Variants in DRAXIN observed in about 807,000 individuals in gnomAD.
DRAXIN encodes dorsal repulsive axon guidance protein.
In DRAXIN, 27 loss-of-function variants were observed where a neutral mutation model predicts 33.9. That is an observed-to-expected ratio of 0.80 (90% CI 0.59 to 1.10). DRAXIN has a LOEUF of 1.10. Among genes scored for constraint, DRAXIN ranks in the 50% least tolerant of loss-of-function variants. DRAXIN has a pLI of 0.00. For synonymous variants in DRAXIN, 178 were observed against 194.0 expected, an observed-to-expected ratio of 0.92 and a Z score of 0.69; for missense variants, 371 against 460.8, an observed-to-expected ratio of 0.81 and a Z score of 1.78.
intron 1 of DRAXIN, among the ~76,000 whole-genome samples, chr1:11,693,714 ATCTCTACCCC>A (rs1162051013): frequency 3.3e-5 from 5 of 152,004 alleles, no homozygotes; most frequent in African/African-American, 1.2e-4. Flanking sequence ...CCTTCATACC[ATCTCTACCCC>A]CTGCCTTCTG....
Position 11,721,040 on chromosome 1 carries a change from G to T in DRAXIN, c.*1344G>T, listed in dbSNP as rs1246738249. 6.6e-6 allele frequency: 1 copy of T among 152,180 alleles called. No individual in the cohort carries two copies. Among genetic ancestry groups the T allele is most frequent in the Non-Finnish European group, 1.5e-5 (1 of 68,042 alleles). 9.4% of individuals were successfully genotyped at this position (152,180 alleles called of 1,614,324 possible). On this transcript the variant is annotated 3_prime_UTR_variant, in exon 7 of 7. Coordinates refer to ENST00000294485, the MANE Select transcript of DRAXIN (RefSeq NM_198545.4). ...GGAAAAGAATCATGTTGGCCTTTAT[G>T]TCCCTGTGGTCCTGATCATCCAGTC...
rs1641377243 is a variant in DRAXIN, at chr1:11,706,256, C to G, written c.-3C>G. On this transcript the variant is annotated 5_prime_UTR_variant, in exon 2 of 7. Coordinates refer to ENST00000294485, the MANE Select transcript of DRAXIN (RefSeq NM_198545.4). This position sits in a 1 kb window ranked among gnomAD's most constrained non-coding sequence, Gnocchi z 5.5. ...GTGTTGCTCTTCTTGCAGGGAGGAG[C>G]CAATGGCTGGGCCTGCCATCCACAC... The G allele has an allele frequency of 6.3e-7, 1 of 1,580,966 alleles. No individual in the cohort carries two copies. Among genetic ancestry groups the G allele is most frequent in the Admixed American group, 1.8e-5 (1 of 55,620 alleles).
At chr1:11,691,137 C>T (rs952046137), upstream of DRAXIN, among the ~76,000 whole-genome samples, 2 of 152,220 alleles carry the variant, frequency 1.3e-5, no homozygotes, top group East Asian at 3.9e-4. Context: ...ACAAAGGCCC[C>T]GCCGTTCCCC....
chr1:11,700,652 C>T (rs1641257111), intron 1 of DRAXIN, among the ~76,000 whole-genome samples: 1 of 152,220 alleles, frequency 6.6e-6, no homozygotes. Context: ...ACGAATTTGT[C>T]GCTTTGGCAC....
chr1:11,717,026 T>C (rs1159641263), intron 6 of DRAXIN, among the ~76,000 whole-genome samples: 1 of 152,232 alleles, frequency 6.6e-6, no homozygotes, highest in African/African-American at 2.4e-5. Flanking sequence ...GGCTCATGCC[T>C]GTAATCCTAG....
intron 1 of DRAXIN, among the ~76,000 whole-genome samples, chr1:11,702,195 C>T (rs1293768841): frequency 6.6e-6 from 1 of 150,594 alleles, no homozygotes; most frequent in Non-Finnish European, 1.5e-5. Context: ...CTCACACATA[C>T]ACACATGCTC....
chr1:11,723,625 TCTTGTTGCCCAGG>T lies in DRAXIN; in HGVS notation c.*3932_*3944del, dbSNP rs1641687561. ...TTTTTCTTTTGAGACAGAGTTTCACTCTTGTTGCCCAGGCTGGAGTGCAGTGGCACGATCTCGG... is the reference window on the plus strand; with the variant it reads ...TTTTTCTTTTGAGACAGAGTTTCACTCTGGAGTGCAGTGGCACGATCTCGG... On this transcript the variant is annotated 3_prime_UTR_variant, in exon 7 of 7. Coordinates refer to ENST00000294485, the MANE Select transcript of DRAXIN (RefSeq NM_198545.4). The T allele has an allele frequency of 1.3e-5, 2 of 151,134 alleles. No individual in the cohort carries two copies. Among genetic ancestry groups the T allele is most frequent in the Non-Finnish European group, 2.9e-5 (2 of 67,826 alleles). The allele number at this position is 151,134 out of a possible 1,614,324, so 9.4% of individuals were successfully genotyped here.
At chr1:11,695,813 G>A (rs1029487882) in intron 1 of DRAXIN, among the ~76,000 whole-genome samples, 2 of 152,000 alleles carry the variant, frequency 1.3e-5, no homozygotes, top group Non-Finnish European at 1.5e-5. Context: ...AGGAAGAGGG[G>A]CCACAAGTAC....
chr1:11,696,549 G>A lies in DRAXIN; in HGVS notation c.-11+4696G>A, dbSNP rs1260529416. 1.3e-5 allele frequency among the ~76,000 whole-genome samples: 2 copies of A among 151,996 alleles called. No homozygotes were observed. Among genetic ancestry groups the A allele is most frequent in the African/African-American group, 4.8e-5 (2 of 41,362 alleles). Reference sequence around the variant, plus strand: ...TGCAGTTAGCTGAGATTGTGCCATCGCACTCCAGCCTGGGCAACAAGAGCA... The same window carrying A: ...TGCAGTTAGCTGAGATTGTGCCATCACACTCCAGCCTGGGCAACAAGAGCA... On this transcript the variant is annotated intron_variant, in intron 1 of 6. Transcript: ENST00000294485. The surrounding 1 kb of genome is among the most constrained non-coding windows in gnomAD (Gnocchi z 4.7).
At chr1:11,699,363 T>C (rs1641237784) in intron 1 of DRAXIN, among the ~76,000 whole-genome samples, 1 of 152,188 alleles carries the variant, frequency 6.6e-6, no homozygotes, top group Admixed American at 6.5e-5. Flanking sequence ...AATGTCTCTA[T>C]TTTATGCAGA....
chr1:11,705,703 G>C lies in DRAXIN; in HGVS notation c.-10-546G>C, dbSNP rs964491619. 2.0e-5 allele frequency among the ~76,000 whole-genome samples: 3 copies of C among 152,182 alleles called. No individual in the cohort carries two copies. The highest frequency in any genetic ancestry group is 7.2e-5 in the African/African-American group (3 of 41,434). Reference sequence around the variant, plus strand: ...AAAATAACAGGAGCCATTTCAGAGAGCTCTTGAAAGGGCGAAGTGACATGA... The same window carrying C: ...AAAATAACAGGAGCCATTTCAGAGACCTCTTGAAAGGGCGAAGTGACATGA... On this transcript the variant is annotated intron_variant, in intron 1 of 6. Transcript: ENST00000294485. The surrounding 1 kb of genome is among the most constrained non-coding windows in gnomAD (Gnocchi z 4.8).
At chr1:11,711,727 G>T in intron 3 of DRAXIN, 124 bp from the exon 4 acceptor site, 2 of 828,748 alleles carry the variant, frequency 2.4e-6, no homozygotes, top group Non-Finnish European at 3.9e-6. Flanking sequence ...GAGACTCCAG[G>T]CTGCCCAGCA....
At chr1:11,708,800 A>G (rs1641429829) in intron 2 of DRAXIN, among the ~76,000 whole-genome samples, 2 of 152,140 alleles carry the variant, frequency 1.3e-5, no homozygotes, top group African/African-American at 4.8e-5. Context: ...GGTGATGACT[A>G]ATTGTCACCA....
At chr1:11,690,270 T>C (rs191017839), upstream of DRAXIN, among the ~76,000 whole-genome samples, 2 of 152,244 alleles carry the variant, frequency 1.3e-5, no homozygotes, top group East Asian at 3.9e-4. The surrounding 1 kb of genome is among the most constrained non-coding windows in gnomAD (Gnocchi z 4.2). Flanking sequence ...AGGTGTTCAA[T>C]AGGTATTTAT....
At chr1:11,707,302 G>A (rs138923827) in intron 2 of DRAXIN, among the ~76,000 whole-genome samples, 238 of 152,326 alleles carry the variant, frequency 1.6e-3, no homozygotes, top group African/African-American at 5.5e-3. Flanking sequence ...TAAGTTCTGA[G>A]TAGAAATGGA....
At chr1:11,716,721 G>A (rs546541976) in intron 6 of DRAXIN, among the ~76,000 whole-genome samples, 2 of 152,290 alleles carry the variant, frequency 1.3e-5, no homozygotes, top group East Asian at 1.9e-4. Context: ...CACCCAGGCT[G>A]GAGTGCAGTG....
At chr1:11,711,238 A>G (rs562311644) in intron 3 of DRAXIN, among the ~76,000 whole-genome samples, 1 of 152,366 alleles carries the variant, frequency 6.6e-6, no homozygotes, top group African/African-American at 2.4e-5. Flanking sequence ...TTTCCCAGGA[A>G]TACATGGTTA....
chr1:11,720,553 A>T lies in DRAXIN; in HGVS notation c.*857A>T, dbSNP rs1271326664. ...GGTTGCAGTGAGCAGAGATCGTGCC[A>T]CTGCACTCCAGCCTGGGGGACAAGA... On this transcript the variant is annotated 3_prime_UTR_variant, in exon 7 of 7. Transcript: ENST00000294485. The T allele has an allele frequency of 7.0e-6, 1 of 142,676 alleles. No individual in the cohort carries two copies. The allele number at this position is 142,676 out of a possible 1,614,324, so 8.8% of individuals were successfully genotyped here. A position where few individuals can be genotyped will look rare whatever the true frequency, so the allele number is the denominator to read the frequency against.
In DRAXIN at chr1:11,695,849, C is replaced by G. The variant is rs535057333; in HGVS notation, c.-11+3996C>G. Among the ~76,000 whole-genome samples, 4 of 152,112 alleles carry G rather than the reference C, an allele frequency of 2.6e-5. No individual in the cohort carries two copies. The East Asian group carries it at 5.8e-4, about 22-fold the overall frequency. ...CTATAATCTAGCAGGAGGTAGGACT[C>G]GAGTTCAGCAGGTGAGCGGGGAATG... On this transcript the variant is annotated intron_variant, in intron 1 of 6. Transcript: ENST00000294485.
Sources: allele counts gnomAD v4.1 joint callset (sites outside exome capture counted in the v4.1 genomes callset), GRCh38; gene constraint gnomAD v4.1.1; non-coding constraint Gnocchi (gnomAD v3.1); transcripts MANE v1.5; gene names NCBI Gene and HGNC (gene_info 2026-07-23, HGNC 2026-07-21).